The following LYN variants were observed in gnomAD, a reference collection of about 807,000 sequenced individuals.
The protein encoded by LYN is tyrosine-protein kinase Lyn.
In LYN, 12 loss-of-function variants were observed where a neutral mutation model predicts 65.0. The ratio of observed to expected loss-of-function variants is 0.18; its 90% confidence interval spans 0.12 to 0.30. The LOEUF is 0.30. LYN is among the 10% of genes least tolerant of loss of function. The pLI, the probability that LYN is intolerant of heterozygous loss-of-function variation, is 1.00. For synonymous variants in LYN, 222 were observed against 221.2 expected, an observed-to-expected ratio of 1.00 and a Z score of -0.03; for missense variants, 380 against 623.2, an observed-to-expected ratio of 0.61 and a Z score of 4.16.
At chr8:55,885,655 A>G (rs1463507882) in intron 1 of LYN, among the ~76,000 whole-genome samples, 1 of 152,082 alleles carries the variant, frequency 6.6e-6, no homozygotes, top group East Asian at 1.9e-4. Context: ...CTTCCTGTAA[A>G]TGTTAACCCC....
chr8:55,911,674 A>G (rs754799839), intron 1 of LYN, among the ~76,000 whole-genome samples: 31 of 84,920 alleles, frequency 3.7e-4, no homozygotes, highest in African/African-American at 1.0e-3. Context: ...GGGCAGTCCT[A>G]TGAGCTGCGG....
At chr8:56,008,124 A>AAAAAAAAAT (rs1221275260) in intron 12 of LYN, among the ~76,000 whole-genome samples, 5 of 86,636 alleles carry the variant, frequency 5.8e-5, no homozygotes, top group African/African-American at 2.0e-4. Flanking sequence ...GCCTCAAAAA[A>AAAAAAAAAT]AAAATAAAAT....
chr8:55,930,026 G>A (rs774108467), intron 1 of LYN, among the ~76,000 whole-genome samples: 3 of 152,172 alleles, frequency 2.0e-5, no homozygotes, highest in Admixed American at 1.3e-4. Context: ...TCATAGGGGC[G>A]TGAACCCCAT....
chr8:55,951,951 C>CT lies in LYN; in HGVS notation c.488-11dup. 1 of 1,607,430 alleles carries CT rather than the reference C, an allele frequency of 6.2e-7. No homozygotes were observed. The highest frequency in any genetic ancestry group is 8.5e-7 in the Non-Finnish European group (1 of 1,177,654). The stretch of plus-strand genomic sequence containing the variant: ...TGTGAGATATAAACATTTACTTACA[C>CT]TTTTCCCCCCATAGGAAGCTTCTCT... On this transcript the variant is annotated splice_polypyrimidine_tract_variant and intron_variant, in intron 6 of 12. Coordinates refer to ENST00000519728, the MANE Select transcript of LYN (RefSeq NM_002350.4).
At chr8:55,957,417 GA>G (rs905367075) in intron 8 of LYN, among the ~76,000 whole-genome samples, 29 of 152,196 alleles carry the variant, frequency 1.9e-4, no homozygotes, top group Admixed American at 1.4e-3. Context: ...TGTCTGTCAT[GA>G]AAAGAAATGT....
At chr8:55,931,117 A>C (rs529608387) in intron 1 of LYN, among the ~76,000 whole-genome samples, 39 of 147,916 alleles carry the variant, frequency 2.6e-4, no homozygotes, top group African/African-American at 8.8e-4. Flanking sequence ...TAACTTGTAT[A>C]TGTTACTTTT....
chr8:56,009,584 ACTAGT>A (rs1808759539), intron 12 of LYN, among the ~76,000 whole-genome samples: 1 of 152,070 alleles, frequency 6.6e-6, no homozygotes, highest in Non-Finnish European at 1.5e-5. Context: ...TTTCCCCTAT[ACTAGT>A]CTGTGTTCTA....
At chr8:55,885,911 A>G (rs1216429437) in intron 1 of LYN, among the ~76,000 whole-genome samples, 1 of 122,538 alleles carries the variant, frequency 8.2e-6, no homozygotes, top group African/African-American at 3.1e-5. Context: ...GGTTCTTTCT[A>G]CCCTCTGCTG....
Position 56,011,154 on chromosome 8 carries a change from A to T in LYN, c.*1044A>T, listed in dbSNP as rs1419868514. ...AGCAATCTTTTCTAAATTGTGTAGC[A>T]TGTGTATGAGACTATTTATACCCAA... On this transcript the variant is annotated 3_prime_UTR_variant, in exon 13 of 13. Coordinates refer to ENST00000519728, the MANE Select transcript of LYN (RefSeq NM_002350.4). 4.4e-6 allele frequency: 1 copy of T among 228,072 alleles called. No individual in the cohort carries two copies. The highest frequency in any genetic ancestry group is 1.8e-4 in the South Asian group (1 of 5,470). The allele number at this position is 228,072 out of a possible 1,614,324, so 14.1% of individuals were successfully genotyped here.
At chr8:55,951,668 A>G (rs1278563204) in intron 6 of LYN, among the ~76,000 whole-genome samples, 1 of 151,802 alleles carries the variant, frequency 6.6e-6, no homozygotes, top group African/African-American at 2.4e-5. Context: ...CTATTTCAAA[A>G]AAAAAAAAAA....
At chr8:55,962,031 T>C (rs1049958766) in intron 8 of LYN, among the ~76,000 whole-genome samples, 4 of 152,394 alleles carry the variant, frequency 2.6e-5, no homozygotes, top group Middle Eastern at 6.8e-3. Context: ...GTACTTTGTA[T>C]GAACGAATTA....
chr8:56,006,678 C>T (rs1355920286), intron 12 of LYN, among the ~76,000 whole-genome samples: 1 of 152,198 alleles, frequency 6.6e-6, no homozygotes, highest in Non-Finnish European at 1.5e-5. Flanking sequence ...TGTCTCAGAG[C>T]TCAGTGCTAG....
At chr8:56,002,728 G>A (rs1334996794) in intron 12 of LYN, among the ~76,000 whole-genome samples, 1 of 152,216 alleles carries the variant, frequency 6.6e-6, no homozygotes, top group South Asian at 2.1e-4. Flanking sequence ...GAACACACCA[G>A]AATCCATCGA....
At chr8:56,002,380 C>T (rs1260558804) in intron 12 of LYN, among the ~76,000 whole-genome samples, 4 of 151,284 alleles carry the variant, frequency 2.6e-5, no homozygotes, top group Non-Finnish European at 5.9e-5. Context: ...GATCGCGCCA[C>T]TGCAATCCAG....
intron 1 of LYN, among the ~76,000 whole-genome samples, chr8:55,929,942 G>A (rs1337202530): frequency 6.6e-6 from 1 of 152,228 alleles, no homozygotes; most frequent in African/African-American, 2.4e-5. Context: ...CCACACAGCA[G>A]GAGGTGAACA....
intron 1 of LYN, among the ~76,000 whole-genome samples, chr8:55,930,695 G>A (rs769988978): frequency 1.3e-5 from 2 of 152,166 alleles, no homozygotes; most frequent in African/African-American, 2.4e-5. Context: ...ATGCAAATGG[G>A]GATGCGGCAC....
At chr8:55,947,803 T>A in intron 4 of LYN, 80 bp downstream of exon 4, 1 of 974,116 alleles carries the variant, frequency 1.0e-6, no homozygotes, top group South Asian at 1.3e-5. Context: ...GTCTTGCTTC[T>A]GGTGCTACAG....
chr8:55,971,806 T>G (rs1048083073), intron 10 of LYN, among the ~76,000 whole-genome samples: 1 of 152,218 alleles, frequency 6.6e-6, no homozygotes, highest in African/African-American at 2.4e-5. Context: ...CCTCGAAAAG[T>G]AATTTTTCTA....
chr8:55,991,600 C>T (rs147524725), intron 10 of LYN, among the ~76,000 whole-genome samples: 123 of 152,178 alleles, frequency 8.1e-4, no homozygotes, highest in African/African-American at 2.9e-3. Flanking sequence ...CAGAACCCCC[C>T]ACCCCCAGGA....
Sources: gnomAD v4.1 joint callset for allele counts (sites outside exome capture counted in the v4.1 genomes callset) on GRCh38, gnomAD v4.1.1 for gene constraint, MANE v1.5 for transcripts, NCBI Gene and HGNC (gene_info 2026-07-23, HGNC 2026-07-21) for gene names.